Variants in TMEM163 observed in about 807,000 individuals in gnomAD.
TMEM163 encodes transmembrane protein 163.
Under a neutral mutation model 29.3 loss-of-function variants are expected in TMEM163, and 17 were observed. The ratio of observed to expected loss-of-function variants is 0.58; its 90% CI spans 0.40 to 0.87. TMEM163 has a LOEUF of 0.87. Ranked by LOEUF, TMEM163 falls within the 40% of genes least tolerant of loss-of-function variation. The pLI is 0.00. For synonymous variants in TMEM163, 157 were observed against 160.6 expected (o/e 0.98, Z 0.17); for missense variants, 303 against 381.5 (o/e 0.79, Z 1.71).
At chr2:134,571,162 T>G (rs1379624686) in intron 2 of TMEM163, among the ~76,000 whole-genome samples, 1 of 152,184 alleles carries the variant, frequency 6.6e-6, no homozygotes, top group East Asian at 1.9e-4. Flanking sequence ...ATAGATAGCC[T>G]CAGTCTTAAG....
At chr2:134,520,045 A>T (rs1680161130) in intron 4 of TMEM163, among the ~76,000 whole-genome samples, 1 of 152,124 alleles carries the variant, frequency 6.6e-6, no homozygotes, top group African/African-American at 2.4e-5. Context: ...CAACATAAAG[A>T]TGAAGGGGCG....
At chr2:134,550,999 C>T (rs1459798879) in intron 3 of TMEM163, among the ~76,000 whole-genome samples, 2 of 152,168 alleles carry the variant, frequency 1.3e-5, no homozygotes, top group Non-Finnish European at 2.9e-5. Flanking sequence ...TCCTGCACAT[C>T]CCAGATAAGA....
At chr2:134,542,100 C>T (rs1680687930) in intron 4 of TMEM163, among the ~76,000 whole-genome samples, 1 of 152,192 alleles carries the variant, frequency 6.6e-6, no homozygotes, top group South Asian at 2.1e-4. Flanking sequence ...GGTTTTCTTA[C>T]AATTTTATTA....
At chr2:134,666,482 G>C (rs116467792) in intron 2 of TMEM163, among the ~76,000 whole-genome samples, 1 of 152,172 alleles carries the variant, frequency 6.6e-6, no homozygotes, top group South Asian at 2.1e-4. Flanking sequence ...CCTTGAAAGC[G>C]CTTCCGGCTC....
In TMEM163 at chr2:134,460,486, A is replaced by C. The variant is rs1192233628; in HGVS notation, c.668-2313T>G. ...GGACAGGAACTTTGTCTCTCCTTGC[A>C]GTATTCGAAGTCCCAGGACAGGGCC... On this transcript the variant is annotated intron_variant, in intron 6 of 7. Coordinates refer to ENST00000281924, the MANE Select transcript of TMEM163 (RefSeq NM_030923.5). The surrounding 1 kb of genome is among the most constrained non-coding windows in gnomAD (Gnocchi z 4.3). Among the ~76,000 whole-genome samples the C allele has an allele frequency of 1.3e-5, 2 of 152,186 alleles. No individual in the cohort carries two copies. The highest frequency in any genetic ancestry group is 3.9e-4 in the East Asian group (2 of 5,184).
intron 2 of TMEM163, among the ~76,000 whole-genome samples, chr2:134,689,675 C>G (rs1684420303): frequency 6.6e-6 from 1 of 152,128 alleles, no homozygotes; most frequent in African/African-American, 2.4e-5. Flanking sequence ...TTCATCTCTC[C>G]CTAGTGCACA....
At chr2:134,556,817 T>A (rs1405350908) in intron 2 of TMEM163, among the ~76,000 whole-genome samples, 3 of 152,166 alleles carry the variant, frequency 2.0e-5, no homozygotes, top group African/African-American at 7.2e-5. Context: ...GGAGATCCTG[T>A]CTCAAAATAT....
rs144152122 is a variant in TMEM163, at chr2:134,611,421, C to T, written c.323-59330G>A. The stretch of plus-strand genomic sequence containing the variant: ...AAAATATAATGAAGTGTTAAATGTG[C>T]TTTGACAGCTATTTCTATGGAGTAC... On this transcript the variant is annotated intron_variant, in intron 2 of 7. Transcript: ENST00000281924. Among the ~76,000 whole-genome samples, 131 of 152,284 alleles carry T rather than the reference C, an allele frequency of 8.6e-4. 1 individual carries two copies. Among genetic ancestry groups the T allele is most frequent in the African/African-American group, 3.0e-3 (125 of 41,560 alleles).
intron 4 of TMEM163, among the ~76,000 whole-genome samples, chr2:134,507,007 C>G (rs1679838939): frequency 1.3e-5 from 2 of 152,090 alleles, no homozygotes; most frequent in African/African-American, 4.8e-5. Flanking sequence ...TGTACCCCTT[C>G]AGCATAATCC....
intron 4 of TMEM163, among the ~76,000 whole-genome samples, chr2:134,512,043 A>C (rs1679960482): frequency 6.6e-6 from 1 of 152,230 alleles, no homozygotes; most frequent in Non-Finnish European, 1.5e-5. Context: ...ACAACCTATG[A>C]AACATGAAGA....
chr2:134,663,146 T>C (rs570023732), intron 2 of TMEM163, among the ~76,000 whole-genome samples: 1 of 152,342 alleles, frequency 6.6e-6, no homozygotes, highest in Admixed American at 6.5e-5. Context: ...GAAATAGAAT[T>C]AAACAGAACT....
rs1420979938 is a variant in TMEM163 at position 134,651,346 on chromosome 2, T to C, written c.322+61854A>G. Among the ~76,000 whole-genome samples the C allele has an allele frequency of 2.1e-5, 3 of 142,086 alleles. 1 individual carries two copies. Among genetic ancestry groups the C allele is most frequent in the African/African-American group, 8.7e-5 (3 of 34,312 alleles). The allele number at this position is 142,086 out of a possible 152,430, so 93.2% of individuals were successfully genotyped here. On this transcript the variant is annotated intron_variant, in intron 2 of 7. Transcript: ENST00000281924. ...TCTTGGCTGCATAAATGTCTTCCTT[T>C]AAGAAGTGTCTGTTCATGTCCTTCG...
intron 2 of TMEM163, among the ~76,000 whole-genome samples, chr2:134,700,036 AT>A (rs1465454581): frequency 2.1e-4 from 31 of 151,168 alleles, no homozygotes; most frequent in East Asian, 7.7e-4. Flanking sequence ...ATACAGCTTG[AT>A]TTTTTTTTAA....
chr2:134,505,035 CA>C (rs1426209019), intron 4 of TMEM163, among the ~76,000 whole-genome samples: 2 of 152,112 alleles, frequency 1.3e-5, no homozygotes, highest in African/African-American at 2.4e-5. Context: ...AGCACATGTG[CA>C]TGAGAGGTCC....
chr2:134,533,501 C>T (rs1248317715), intron 4 of TMEM163, among the ~76,000 whole-genome samples: 1 of 152,214 alleles, frequency 6.6e-6, no homozygotes, highest in Non-Finnish European at 1.5e-5. Flanking sequence ...CTCACTTTAA[C>T]ATTCATATTA....
chr2:134,701,184 TA>T (rs1448332939), intron 2 of TMEM163, among the ~76,000 whole-genome samples: 1 of 150,720 alleles, frequency 6.6e-6, no homozygotes, highest in Non-Finnish European at 1.5e-5. Context: ...AGTAAAACCA[TA>T]AAAATTAGAA....
At chr2:134,488,099 A>G (rs1679350307) in intron 5 of TMEM163, among the ~76,000 whole-genome samples, 1 of 152,202 alleles carries the variant, frequency 6.6e-6, no homozygotes, top group South Asian at 2.1e-4. Context: ...TAAAAGAAAA[A>G]CTAAATATTA....
At chr2:134,481,639 G>T (rs556236205) in intron 5 of TMEM163, among the ~76,000 whole-genome samples, 2 of 152,194 alleles carry the variant, frequency 1.3e-5, no homozygotes, top group East Asian at 3.9e-4. Context: ...AATATACTAG[G>T]CTTTTTTATT....
intron 5 of TMEM163, among the ~76,000 whole-genome samples, chr2:134,483,511 CTAT>C (rs1413326394): frequency 6.6e-6 from 1 of 152,186 alleles, no homozygotes; most frequent in African/African-American, 2.4e-5. Context: ...CAAGCCCATA[CTAT>C]TATTTAATGC....
Sources: allele counts gnomAD v4.1 joint callset (sites outside exome capture counted in the v4.1 genomes callset), GRCh38; gene constraint gnomAD v4.1.1; non-coding constraint Gnocchi (gnomAD v3.1); transcripts MANE v1.5; gene names NCBI Gene and HGNC (gene_info 2026-07-23, HGNC 2026-07-21).